Variants in KLHDC10 observed in about 807,000 individuals in gnomAD.
The protein encoded by KLHDC10 is kelch domain-containing protein 10.
A neutral mutation model predicts 56.1 loss-of-function variants in KLHDC10; 24 were observed. The ratio of observed to expected loss-of-function variants is 0.43; its 90% CI spans 0.31 to 0.60. The LOEUF (loss-of-function observed/expected upper bound fraction) is 0.60, where lower values mean the gene tolerates loss of function less well. KLHDC10 is among the 20% of genes least tolerant of loss of function. The pLI, the probability that KLHDC10 is intolerant of heterozygous loss-of-function variation, is 0.11. For synonymous variants in KLHDC10, 188 were observed against 207.1 expected, an observed-to-expected ratio of 0.91 and a Z score of 0.79; for missense variants, 349 against 567.0, an observed-to-expected ratio of 0.62 and a Z score of 3.91.
chr7:130,101,375 A>G (rs564697006), intron 2 of KLHDC10, among the ~76,000 whole-genome samples: 1 of 152,326 alleles, frequency 6.6e-6, no homozygotes, highest in Admixed American at 6.5e-5. Flanking sequence ...GCAACCCAGA[A>G]TAGATGCTCC....
intron 2 of KLHDC10, among the ~76,000 whole-genome samples, chr7:130,111,837 A>C (rs879389025): frequency 1.2e-4 from 19 of 152,212 alleles, no homozygotes; most frequent in Non-Finnish European, 2.8e-4. Context: ...TGGGCCAATA[A>C]ACATGTGAAC....
intron 1 of KLHDC10, among the ~76,000 whole-genome samples, chr7:130,073,941 C>T (rs1257799969): frequency 6.6e-6 from 1 of 152,162 alleles, no homozygotes; most frequent in African/African-American, 2.4e-5. Context: ...AAGCAGTATT[C>T]GTGCTTCTAC....
At chr7:130,099,423 G>T (rs955579803) in intron 2 of KLHDC10, among the ~76,000 whole-genome samples, 1 of 152,196 alleles carries the variant, frequency 6.6e-6, no homozygotes, top group East Asian at 1.9e-4. Flanking sequence ...ATTATTTGTG[G>T]TAAGTGTTCT....
intron 2 of KLHDC10, among the ~76,000 whole-genome samples, chr7:130,115,440 G>C (rs2116900257): frequency 6.6e-6 from 1 of 152,014 alleles, no homozygotes; most frequent in East Asian, 1.9e-4. Context: ...TTGAGACCGG[G>C]TGCAGTAGCT....
At chr7:130,107,394 G>A (rs1033022182) in intron 2 of KLHDC10, among the ~76,000 whole-genome samples, 1 of 152,076 alleles carries the variant, frequency 6.6e-6, no homozygotes, top group African/African-American at 2.4e-5. Context: ...CAGAAAATTG[G>A]CTGGACAAAA....
intron 3 of KLHDC10, among the ~76,000 whole-genome samples, chr7:130,118,662 A>C (rs1796204789): frequency 6.6e-6 from 1 of 152,152 alleles, no homozygotes; most frequent in South Asian, 2.1e-4. Flanking sequence ...AGCTTAGTCA[A>C]TTCTAGCTTT....
At chr7:130,118,546 C>T (rs1433241363) in intron 3 of KLHDC10, among the ~76,000 whole-genome samples, 4 of 152,216 alleles carry the variant, frequency 2.6e-5, no homozygotes, top group Middle Eastern at 3.2e-3. Context: ...TGGAGTAGTA[C>T]TTTTAATTTC....
intron 1 of KLHDC10, among the ~76,000 whole-genome samples, chr7:130,082,408 T>C (rs1260541238): frequency 6.6e-6 from 1 of 152,186 alleles, no homozygotes; most frequent in Non-Finnish European, 1.5e-5. Flanking sequence ...CATTTTGATA[T>C]TTTACTTTCC....
rs906860159 is a variant in KLHDC10 at position 130,114,001 on chromosome 7, C to T, written c.254-2444C>T. On this transcript the variant is annotated intron_variant, in intron 2 of 9. Transcript: ENST00000335420. ...AGAAGAACATTGCATAATCCAACACCCGTGCCTTAAACCATGTATCTGTTA... is the reference window on the plus strand; with the variant it reads ...AGAAGAACATTGCATAATCCAACACTCGTGCCTTAAACCATGTATCTGTTA... Among the ~76,000 whole-genome samples, 5 of 152,140 alleles carry T rather than the reference C, an allele frequency of 3.3e-5. No homozygotes were observed. The South Asian group carries it at 1.0e-3, about 32-fold the overall frequency.
chr7:130,098,476 G>C (rs1179103119), intron 2 of KLHDC10, among the ~76,000 whole-genome samples: 1 of 152,128 alleles, frequency 6.6e-6, no homozygotes, highest in African/African-American at 2.4e-5. Flanking sequence ...CTGGGCGATA[G>C]AGTGAGACTT....
At chr7:130,129,831 GGT>G (rs1370903696) in intron 9 of KLHDC10, among the ~76,000 whole-genome samples, 1 of 152,108 alleles carries the variant, frequency 6.6e-6, no homozygotes, top group Non-Finnish European at 1.5e-5. Context: ...TGATGTCAAA[GGT>G]GTTTCCTGGG....
At chr7:130,115,720 A>AAG (rs1335757089) in intron 2 of KLHDC10, among the ~76,000 whole-genome samples, 2 of 151,270 alleles carry the variant, frequency 1.3e-5, no homozygotes, top group African/African-American at 4.9e-5. Context: ...GTCTCAAAAA[A>AAG]AAAAAAAAAA....
chr7:130,118,781 G>T (rs1223182211), intron 3 of KLHDC10, among the ~76,000 whole-genome samples: 1 of 152,176 alleles, frequency 6.6e-6, no homozygotes. Flanking sequence ...CAGGGAATAG[G>T]GAGGCCTGAG....
intron 9 of KLHDC10, 44 bp downstream of exon 9, chr7:130,129,620 T>A (rs1395174363): frequency 6.4e-7 from 1 of 1,560,690 alleles, no homozygotes; most frequent in East Asian, 2.3e-5. Flanking sequence ...TTACAGATGA[T>A]AAGGAAATCT....
intron 1 of KLHDC10, 59 bp from the exon 2 acceptor site, chr7:130,096,860 CTA>C: frequency 8.8e-7 from 1 of 1,139,576 alleles, no homozygotes; most frequent in Non-Finnish European, 1.3e-6. Context: ...ACTACAGTAA[CTA>C]TGTATTATTT....
In KLHDC10 at chr7:130,130,792, G is replaced by T. The variant is rs1796390676; in HGVS notation, c.*46G>T. ...GATACTGGAAATGTTAATTTAAAGA[G>T]ACTCCTTTATTTATGGGCAGTGTAG... is the stretch of plus-strand genomic sequence containing the variant. On this transcript the variant is annotated 3_prime_UTR_variant, in exon 10 of 10. Transcript: ENST00000335420. This position sits in a 1 kb window ranked among gnomAD's most constrained non-coding sequence, Gnocchi z 4.2. 1 of 1,559,970 alleles carries T rather than the reference G, an allele frequency of 6.4e-7. No homozygotes were observed. The highest frequency in any genetic ancestry group is 8.8e-7 in the Non-Finnish European group (1 of 1,131,186).
At chr7:130,091,184 C>T (rs1795767788) in intron 1 of KLHDC10, among the ~76,000 whole-genome samples, 1 of 152,112 alleles carries the variant, frequency 6.6e-6, no homozygotes, top group Admixed American at 6.6e-5. Context: ...GTTTTCATTT[C>T]TCTGGGGTAA....
At chr7:130,082,238 T>C (rs11976190) in intron 1 of KLHDC10, among the ~76,000 whole-genome samples, 72,216 of 151,938 alleles carry the variant, frequency 0.48, 18,569 homozygotes, top group East Asian at 0.74. Context: ...GCAGGAGGAT[T>C]GTCTGAGCCC....
chr7:130,105,628 G>C (rs1182119715), intron 2 of KLHDC10, among the ~76,000 whole-genome samples: 1 of 152,120 alleles, frequency 6.6e-6, no homozygotes, highest in African/African-American at 2.4e-5. Context: ...AAAGACAACA[G>C]ATTTTTATGA....
Sources: allele counts gnomAD v4.1 joint callset (sites outside exome capture counted in the v4.1 genomes callset), GRCh38; gene constraint gnomAD v4.1.1; non-coding constraint Gnocchi (gnomAD v3.1); transcripts MANE v1.5; gene names NCBI Gene and HGNC (gene_info 2026-07-23, HGNC 2026-07-21).